TMEM108: variants seen among roughly 807,000 people sequenced by gnomAD.
TMEM108 encodes cancer/testis antigen 124.
A neutral mutation model predicts 35.1 loss-of-function variants in TMEM108; 12 were observed. That is an observed-to-expected ratio of 0.34 (90% CI 0.22 to 0.55). The LOEUF (loss-of-function observed/expected upper bound fraction) is 0.55. Among genes scored for constraint, TMEM108 ranks in the 20% least tolerant of loss-of-function variants. The pLI is 0.89. For synonymous variants in TMEM108, 287 were observed against 308.6 expected, an observed-to-expected ratio of 0.93 and a Z score of 0.73; for missense variants, 680 against 753.3, an observed-to-expected ratio of 0.90 and a Z score of 1.14.
chr3:133,134,062 TCA>T (rs1944530246), intron 2 of TMEM108, among the ~76,000 whole-genome samples: 1 of 151,914 alleles, frequency 6.6e-6, no homozygotes, highest in Non-Finnish European at 1.5e-5. Flanking sequence ...GCTCCCTGCC[TCA>T]GAGTTTTCTT....
intron 3 of TMEM108, among the ~76,000 whole-genome samples, chr3:133,235,961 G>T (rs1239025382): frequency 6.6e-6 from 1 of 152,112 alleles, no homozygotes; most frequent in African/African-American, 2.4e-5. Context: ...CTGAATCTGA[G>T]TCTTGATTTA....
chr3:133,057,452 T>C (rs1303198741), intron 2 of TMEM108, among the ~76,000 whole-genome samples: 3 of 30,168 alleles, frequency 9.9e-5, no homozygotes, highest in African/African-American at 2.5e-4. Context: ...TATATATATA[T>C]ATATATATAT....
intron 2 of TMEM108, among the ~76,000 whole-genome samples, chr3:133,151,585 G>C (rs759682608): frequency 6.6e-6 from 1 of 151,872 alleles, no homozygotes; most frequent in Non-Finnish European, 1.5e-5. Flanking sequence ...GAACTCGAGG[G>C]GAAAATCATT....
chr3:133,288,358 C>T (rs934920746), intron 3 of TMEM108, among the ~76,000 whole-genome samples: 1 of 152,196 alleles, frequency 6.6e-6, no homozygotes, highest in Admixed American at 6.5e-5. Flanking sequence ...TTCCCTCACC[C>T]AAAGAATATT....
chr3:133,386,238 G>C (rs1264454462), intron 4 of TMEM108, among the ~76,000 whole-genome samples: 1 of 152,176 alleles, frequency 6.6e-6, no homozygotes, highest in African/African-American at 2.4e-5. Context: ...TCTTATCTTA[G>C]CATCTGCCAT....
chr3:133,130,831 A>C (rs1441016040), intron 2 of TMEM108, among the ~76,000 whole-genome samples: 1 of 152,238 alleles, frequency 6.6e-6, no homozygotes, highest in Admixed American at 6.5e-5. Context: ...CTTCAGACCA[A>C]GGGAGCATAT....
At chr3:133,272,272 C>T (rs1359154645) in intron 3 of TMEM108, among the ~76,000 whole-genome samples, 6 of 137,836 alleles carry the variant, frequency 4.4e-5, no homozygotes, top group South Asian at 2.5e-4. Flanking sequence ...CATACACGTA[C>T]GTGTGTGTGT....
chr3:133,289,873 G>A (rs144910930), intron 3 of TMEM108, among the ~76,000 whole-genome samples: 247 of 152,210 alleles, frequency 1.6e-3, no homozygotes, highest in Non-Finnish European at 2.9e-3. Flanking sequence ...GCTAAAACAT[G>A]GACCATCCAA....
chr3:133,136,040 A>G lies in TMEM108; in HGVS notation c.-47+90020A>G, dbSNP rs78367245. On this transcript the variant is annotated intron_variant, in intron 2 of 5. Coordinates refer to ENST00000321871, the MANE Select transcript of TMEM108 (RefSeq NM_023943.4). ...ATATTTGGCTGTTGTGGTCATTACTATTTTTCTTTTACTTTCTGAATTGGA... is the reference window on the plus strand; with the variant it reads ...ATATTTGGCTGTTGTGGTCATTACTGTTTTTCTTTTACTTTCTGAATTGGA... 2.4e-4 allele frequency among the ~76,000 whole-genome samples: 37 copies of G among 152,196 alleles called. No homozygotes were observed. The East Asian group carries it at 6.2e-3, about 25-fold the overall frequency.
chr3:133,267,251 A>G (rs1278980575), intron 3 of TMEM108, among the ~76,000 whole-genome samples: 1 of 152,176 alleles, frequency 6.6e-6, no homozygotes, highest in Non-Finnish European at 1.5e-5. Flanking sequence ...TCTGCCTCTA[A>G]GGAGCTCACA....
chr3:133,187,607 A>G (rs922968961), intron 2 of TMEM108, among the ~76,000 whole-genome samples: 2 of 152,144 alleles, frequency 1.3e-5, no homozygotes, highest in African/African-American at 4.8e-5. Flanking sequence ...AAAATTAGCT[A>G]GGCATGTTGG....
At chr3:133,210,740 A>C (rs1383948094) in intron 2 of TMEM108, among the ~76,000 whole-genome samples, 2 of 152,232 alleles carry the variant, frequency 1.3e-5, no homozygotes, top group African/African-American at 4.8e-5. Context: ...GCATTCCTGC[A>C]CAAGTCCAAA....
chr3:133,221,674 TTTTTTTTTTC>T (rs1945993757), intron 2 of TMEM108, among the ~76,000 whole-genome samples: 1 of 147,546 alleles, frequency 6.8e-6, no homozygotes, highest in Admixed American at 6.7e-5. Flanking sequence ...TTTTTTTTTT[TTTTTTTTTTC>T]ACTTTTGTGG....
intron 2 of TMEM108, among the ~76,000 whole-genome samples, chr3:133,081,090 C>T (rs1025554125): frequency 2.0e-5 from 3 of 152,206 alleles, no homozygotes; most frequent in Non-Finnish European, 4.4e-5. Context: ...TTCCATAGCA[C>T]AGTGTCGTCA....
chr3:133,164,737 G>A (rs1945011700), intron 2 of TMEM108, among the ~76,000 whole-genome samples: 1 of 152,142 alleles, frequency 6.6e-6, no homozygotes, highest in African/African-American at 2.4e-5. Flanking sequence ...CCTTGAATGA[G>A]ATAATGTTAA....
At chr3:133,366,344 TGG>T (rs898979668) in intron 3 of TMEM108, among the ~76,000 whole-genome samples, 4 of 152,294 alleles carry the variant, frequency 2.6e-5, no homozygotes, top group African/African-American at 9.6e-5. Flanking sequence ...CTAGTTTATC[TGG>T]GATACACAAA....
At chr3:133,235,870 A>G (rs561672773) in intron 3 of TMEM108, among the ~76,000 whole-genome samples, 102 of 152,222 alleles carry the variant, frequency 6.7e-4, no homozygotes, top group South Asian at 1.2e-3. Flanking sequence ...CCACATCACA[A>G]TTTTTTGAAA....
intron 2 of TMEM108, among the ~76,000 whole-genome samples, chr3:133,176,701 C>A (rs767649156): frequency 6.6e-6 from 1 of 150,858 alleles, no homozygotes. Flanking sequence ...ACTAAATGCC[C>A]ACAAGAGAAA....
In TMEM108 at chr3:133,060,325, T is replaced by TGCCCAAGGTCAGTCAGTAGCTC. The variant is rs561585143; in HGVS notation, c.-47+14306_-47+14327dup. ...ATCAACCCAGAGAAGGGAAGTAGCT[T>TGCCCAAGGTCAGTCAGTAGCTC]GCCCAAGGTCAGTCAGTAGCTCACA... On this transcript the variant is annotated intron_variant, in intron 2 of 5. Coordinates refer to ENST00000321871, the MANE Select transcript of TMEM108 (RefSeq NM_023943.4). 1.5e-4 allele frequency among the ~76,000 whole-genome samples: 23 copies of TGCCCAAGGTCAGTCAGTAGCTC among 152,316 alleles called. No homozygotes were observed. The East Asian group carries it at 4.4e-3, about 29-fold the overall frequency.
Sources: allele counts gnomAD v4.1 joint callset (sites outside exome capture counted in the v4.1 genomes callset), GRCh38; gene constraint gnomAD v4.1.1; transcripts MANE v1.5; gene names NCBI Gene and HGNC (gene_info 2026-07-23, HGNC 2026-07-21).